Variants in GRIK4 observed in about 807,000 individuals in gnomAD.
GRIK4 encodes glutamate ionotropic receptor kainate type subunit 4.
In GRIK4, 40 loss-of-function variants were observed where a neutral mutation model predicts 104.9. The ratio of observed to expected loss-of-function variants is 0.38; its 90% CI spans 0.30 to 0.50. The LOEUF is 0.50. GRIK4 is among the 20% of genes least tolerant of loss of function. The probability of loss-of-function intolerance (pLI) is 0.93; values close to 1 mark genes in which losing one functional copy is unlikely to be tolerated. For synonymous variants in GRIK4, 485 were observed against 524.9 expected (o/e 0.92, Z 1.04); for missense variants, 1,047 against 1,308.1 (o/e 0.80, Z 3.08).
chr11:120,909,816 T>C (rs1565432961), intron 13 of GRIK4, among the ~76,000 whole-genome samples: 2 of 152,134 alleles, frequency 1.3e-5, no homozygotes, highest in African/African-American at 2.4e-5. Context: ...CCAGTGGAAA[T>C]TGTAGAGCCT....
rs193097491 is a variant in GRIK4 at position 120,705,606 on chromosome 11, G to A, written c.82+45206G>A. On this transcript the variant is annotated intron_variant, in intron 3 of 20. Transcript: ENST00000527524. ...TCTGTAGATCGCTTTGGGGAGTATC[G>A]CCATCAAAACAATATTAAGTCTTCC... 1.9e-4 allele frequency among the ~76,000 whole-genome samples: 29 copies of A among 152,184 alleles called. No homozygotes were observed. In the East Asian group the frequency reaches 5.4e-3, roughly 28 times the overall value.
intron 3 of GRIK4, among the ~76,000 whole-genome samples, chr11:120,760,425 A>G (rs1267847433): frequency 8.7e-6 from 1 of 115,512 alleles, no homozygotes; most frequent in African/African-American, 4.4e-5. Context: ...ATATATAAAC[A>G]TATATATACA....
intron 1 of GRIK4, among the ~76,000 whole-genome samples, chr11:120,548,442 A>G (rs1948107866): frequency 1.3e-5 from 2 of 151,930 alleles, no homozygotes; most frequent in African/African-American, 4.8e-5. Context: ...GGTGGCCTGG[A>G]GACAAGGGGT....
At chr11:120,612,366 C>G (rs184413308) in intron 1 of GRIK4, among the ~76,000 whole-genome samples, 2 of 152,092 alleles carry the variant, frequency 1.3e-5, no homozygotes, top group Admixed American at 1.3e-4. Context: ...TCTCATTATC[C>G]ATTCTACATT....
intron 9 of GRIK4, chr11:120,869,029 G>A (rs1954519163): frequency 6.6e-6 from 1 of 152,324 alleles, no homozygotes; most frequent in South Asian, 2.1e-4. Context: ...CTGAAACAAG[G>A]TGGAAAAATT....
At chr11:120,695,629 C>T (rs1454955513) in intron 3 of GRIK4, among the ~76,000 whole-genome samples, 4 of 149,844 alleles carry the variant, frequency 2.7e-5, no homozygotes, top group Admixed American at 2.6e-4. Flanking sequence ...TGGACGGCCG[C>T]CACGGGTGGG....
At chr11:120,526,709 G>A (rs1458728025) in intron 1 of GRIK4, among the ~76,000 whole-genome samples, 1 of 152,190 alleles carries the variant, frequency 6.6e-6, no homozygotes, top group Non-Finnish European at 1.5e-5. Context: ...GCACATGCCT[G>A]TAATCCAAGC....
intron 8 of GRIK4, among the ~76,000 whole-genome samples, chr11:120,855,560 G>A (rs913664204): frequency 3.4e-5 from 4 of 117,560 alleles, no homozygotes; most frequent in African/African-American, 9.9e-5. Flanking sequence ...GCATCTTATG[G>A]TGACTTTTTT....
intron 1 of GRIK4, among the ~76,000 whole-genome samples, chr11:120,589,161 C>T (rs1948705774): frequency 2.6e-5 from 4 of 152,136 alleles, no homozygotes; most frequent in Admixed American, 2.6e-4. Flanking sequence ...AAGCTGAAGG[C>T]AGTAGTGGCT....
intron 20 of GRIK4, among the ~76,000 whole-genome samples, chr11:120,985,627 C>A (rs372489803): frequency 8.0e-3 from 904 of 113,272 alleles, no homozygotes; most frequent in Middle Eastern, 0.014. Flanking sequence ...TGGAAATGTG[C>A]AAAAAAAAAA....
At chr11:120,610,280 G>A (rs1949018223) in intron 1 of GRIK4, among the ~76,000 whole-genome samples, 1 of 152,240 alleles carries the variant, frequency 6.6e-6, no homozygotes, top group South Asian at 2.1e-4. Context: ...TGTTAATGAT[G>A]CATTTAGCGT....
At chr11:120,791,421 A>G (rs1952392031) in intron 3 of GRIK4, among the ~76,000 whole-genome samples, 1 of 152,222 alleles carries the variant, frequency 6.6e-6, no homozygotes, top group Admixed American at 6.5e-5. Flanking sequence ...TGAAATGTCT[A>G]TTCGAATCTT....
In GRIK4 at chr11:120,905,475, C is replaced by A. The variant is rs150333061; in HGVS notation, c.1458C>A (p.Val486=). The A allele has an allele frequency of 7.4e-7, 1 of 1,346,108 alleles. No homozygotes were observed. Among genetic ancestry groups the A allele is most frequent in the South Asian group, 1.1e-5 (1 of 87,114 alleles). The allele number at this position is 1,346,108 out of a possible 1,614,324, so 83.4% of individuals were successfully genotyped here. A position where few individuals can be genotyped will look rare whatever the true frequency, so the allele number is the denominator to read the frequency against. The change falls in exon 13 of 21, where the codon GTC becomes GTA. Residue 486 remains valine (V), a synonymous_variant. Transcript: ENST00000527524. This position sits in a 1 kb window ranked among gnomAD's most constrained non-coding sequence, Gnocchi z 5.1. The part of the protein sequence containing the change: ...PEANGTWTGM[V]GELIARKADL... ...CCAACGGCACCTGGACGGGAATGGT[C>A]GGGGAGCTGATCGCTAGGGTAAGGA...
At chr11:120,750,648 C>T (rs549253164) in intron 3 of GRIK4, among the ~76,000 whole-genome samples, 11 of 152,232 alleles carry the variant, frequency 7.2e-5, no homozygotes, top group Admixed American at 2.6e-4. Context: ...GGATTACAGG[C>T]GTGAGCTGCC....
Position 120,956,232 on chromosome 11 carries a change from A to C in GRIK4, c.1701-548A>C. ...TTTTTTTTTTTTGAGACAGGGTCTC[A>C]CTCTGTTTGTCCAGGCTGGAGTACA... On this transcript the variant is annotated intron_variant, in intron 15 of 20. Coordinates refer to ENST00000527524, the MANE Select transcript of GRIK4 (RefSeq NM_014619.5). This position sits in a 1 kb window ranked among gnomAD's most constrained non-coding sequence, Gnocchi z 4.6. Among the ~76,000 whole-genome samples the C allele has an allele frequency of 6.9e-6, 1 of 145,558 alleles. No homozygotes were observed. Among genetic ancestry groups the C allele is most frequent in the Non-Finnish European group, 1.5e-5 (1 of 66,646 alleles).
At chr11:120,900,103 C>G (rs1277169755) in intron 12 of GRIK4, among the ~76,000 whole-genome samples, 1 of 152,136 alleles carries the variant, frequency 6.6e-6, no homozygotes, top group African/African-American at 2.4e-5. Flanking sequence ...AGGTCCCCTC[C>G]CATGGGGAGG....
chr11:120,656,202 G>GT lies in GRIK4; in HGVS notation c.-51+2416dup, dbSNP rs150667815. Among the ~76,000 whole-genome samples, 1,491 of 152,324 alleles carry GT rather than the reference G, an allele frequency of 9.8e-3. 17 individuals carry two copies. Among genetic ancestry groups the GT allele is most frequent in the African/African-American group, 0.033 (1,365 of 41,572 alleles). ...AAAAGAAGACCCCAAATGTCTTTGTGTTTTTTGGTGAAGAATCTGAAAGCT... is the reference window on the plus strand; with the variant it reads ...AAAAGAAGACCCCAAATGTCTTTGTGTTTTTTTGGTGAAGAATCTGAAAGCT... On this transcript the variant is annotated intron_variant, in intron 2 of 20. Coordinates refer to ENST00000527524, the MANE Select transcript of GRIK4 (RefSeq NM_014619.5).
At chr11:120,550,617 G>T (rs1565546477) in intron 1 of GRIK4, among the ~76,000 whole-genome samples, 1 of 152,240 alleles carries the variant, frequency 6.6e-6, no homozygotes, top group East Asian at 1.9e-4. Context: ...CCCTGCAGTG[G>T]ACATGGAGGA....
intron 3 of GRIK4, among the ~76,000 whole-genome samples, chr11:120,717,067 C>T (rs774559422): frequency 3.3e-5 from 5 of 152,184 alleles, no homozygotes; most frequent in Non-Finnish European, 7.3e-5. Context: ...GGTGGCTCCT[C>T]GTCGCTCTGA....
Sources: allele counts gnomAD v4.1 joint callset (sites outside exome capture counted in the v4.1 genomes callset), GRCh38; gene constraint gnomAD v4.1.1; non-coding constraint Gnocchi (gnomAD v3.1); transcripts MANE v1.5; gene names NCBI Gene and HGNC (gene_info 2026-07-23, HGNC 2026-07-21).